ZNF727: variants seen among roughly 807,000 people sequenced by gnomAD.
ZNF727 encodes the protein zinc finger protein 727.
In ZNF727, 11 loss-of-function variants were observed where a neutral mutation model predicts 11.5. The observed-to-expected ratio is 0.95, with a 90% CI of 0.60 to 1.58. The LOEUF (loss-of-function observed/expected upper bound fraction) is 1.58, where lower values mean the gene tolerates loss of function less well. ZNF727 is among the 40% of genes most tolerant of loss of function. ZNF727 has a pLI of 0.00. For missense variants in ZNF727, 533 were observed against 581.7 expected (o/e 0.92, Z 0.86); for synonymous variants, 171 against 196.1 (o/e 0.87, Z 1.07).
At chr7:64,050,417 C>G (rs1423891708) in intron 1 of ZNF727, among the ~76,000 whole-genome samples, 1 of 152,048 alleles carries the variant, frequency 6.6e-6, no homozygotes, top group East Asian at 1.9e-4. Context: ...AAACAGGTAC[C>G]CTGCCAAAGA....
At position 64,077,383 on chromosome 7, in the gene ZNF727, C is replaced by T. The variant is rs749735303; in HGVS notation, c.334C>T (p.Arg112Cys). 124 of 1,551,388 alleles carry T rather than the reference C, an allele frequency of 8.0e-5. No individual in the cohort carries two copies. The highest frequency in any genetic ancestry group is 1.7e-4 in the Middle Eastern group (1 of 6,014). Residue 112 changes from arginine (R) to cysteine (C), a missense_variant, in exon 4 of 4, where the codon CGT becomes TGT. By Grantham distance (180) the Arg-to-Cys change is radical. Coordinates refer to ENST00000456806, the MANE Select transcript of ZNF727 (RefSeq NM_001159522.3). ...KSGSCDLNTL[R>C]LKKDYQRVGN... ...TGGAAGCTGTGACCTTAATACTTTA[C>T]GTTTAAAGAAAGACTACCAACGTGT...
At chr7:64,046,180 C>T (rs1789502620) in intron 1 of ZNF727, among the ~76,000 whole-genome samples, 1 of 152,068 alleles carries the variant, frequency 6.6e-6, no homozygotes. Context: ...GCCACCTCGC[C>T]TGGTTTTGTG....
At chr7:64,059,576 A>G (rs1371349092) in intron 1 of ZNF727, among the ~76,000 whole-genome samples, 1 of 152,186 alleles carries the variant, frequency 6.6e-6, no homozygotes, top group Non-Finnish European at 1.5e-5. Context: ...ATTTCAGATT[A>G]ACAGTTCTTC....
At chr7:64,047,794 G>A (rs184977115) in intron 1 of ZNF727, among the ~76,000 whole-genome samples, 45 of 152,294 alleles carry the variant, frequency 3.0e-4, no homozygotes, top group Non-Finnish European at 3.4e-4. Context: ...AGACACATTG[G>A]TGCTCAACCA....
Position 64,078,027 on chromosome 7 carries a change from C to G in ZNF727, c.978C>G (p.Ala326=). The G allele has an allele frequency of 1.2e-6, 2 of 1,605,562 alleles. No individual in the cohort carries two copies. Among genetic ancestry groups the G allele is most frequent in the Non-Finnish European group, 1.7e-6 (2 of 1,176,102 alleles). ...ECGKAFMWIS[A]LSQHNRIHTG... is the part of the protein sequence containing the mutation. The stretch of plus-strand genomic sequence containing the variant: ...GAAAAGCTTTTATGTGGATCTCGGC[C>G]CTTAGTCAACATAACAGAATTCATA... Residue 326 remains alanine, a synonymous_variant, in exon 4 of 4, where the codon GCC becomes GCG. Coordinates refer to ENST00000456806, the MANE Select transcript of ZNF727 (RefSeq NM_001159522.3).
chr7:64,046,741 A>G (rs1049998018), intron 1 of ZNF727, among the ~76,000 whole-genome samples: 3 of 152,342 alleles, frequency 2.0e-5, no homozygotes, highest in South Asian at 2.1e-4. Context: ...ATTAATACAA[A>G]CAGTTTATTT....
At chr7:64,059,008 G>A (rs1190924220) in intron 1 of ZNF727, among the ~76,000 whole-genome samples, 10 of 149,722 alleles carry the variant, frequency 6.7e-5, no homozygotes, top group Admixed American at 3.4e-4. Flanking sequence ...GTAGTGGCAC[G>A]ATCTACGCTC....
chr7:64,071,030 ACTTTAGATTG>A (rs1346142410), intron 3 of ZNF727, among the ~76,000 whole-genome samples: 1 of 151,948 alleles, frequency 6.6e-6, no homozygotes, highest in Non-Finnish European at 1.5e-5. Flanking sequence ...TTCCACAAAC[ACTTTAGATTG>A]CTTTTGTATC....
rs539916533 is a variant in ZNF727, at chr7:64,054,147, G to A, written c.3+8523G>A. On this transcript the variant is annotated intron_variant, in intron 1 of 3. Coordinates refer to ENST00000456806, the MANE Select transcript of ZNF727 (RefSeq NM_001159522.3). The stretch of plus-strand genomic sequence containing the variant: ...TTTTGGGCTGGCTTCTGCTTGCAAC[G>A]AAAGCCATGCCCTGGATGTGAGGGT... Among the ~76,000 whole-genome samples, 7 of 152,262 alleles carry A rather than the reference G, an allele frequency of 4.6e-5. No homozygotes were observed. The South Asian group carries it at 1.2e-3, about 27-fold the overall frequency.
chr7:64,046,992 T>C (rs1042332085), intron 1 of ZNF727, among the ~76,000 whole-genome samples: 3 of 151,808 alleles, frequency 2.0e-5, no homozygotes, highest in African/African-American at 7.3e-5. Context: ...TTTTTTTTTT[T>C]CTCAAAGTTA....
rs1000983967 is a variant in ZNF727 at position 64,068,759 on chromosome 7, C to G, written c.4-132C>G. ...AAATACATTAGAGAATATTTCTGTG[C>G]TAGAAAGTATCCTATTGGATAACTC... On this transcript the variant is annotated intron_variant, in intron 1 of 3. Coordinates refer to ENST00000456806, the MANE Select transcript of ZNF727 (RefSeq NM_001159522.3). 6 of 1,090,352 alleles carry G rather than the reference C, an allele frequency of 5.5e-6. No homozygotes were observed. In the African/African-American group the frequency reaches 9.7e-5, roughly 18 times the overall value. The allele number at this position is 1,090,352 out of a possible 1,614,324, so 67.5% of individuals were successfully genotyped here.
chr7:64,059,239 G>A (rs1485884543), intron 1 of ZNF727, among the ~76,000 whole-genome samples: 1 of 151,962 alleles, frequency 6.6e-6, no homozygotes, highest in Non-Finnish European at 1.5e-5. Flanking sequence ...CGCCGCACCT[G>A]GCTGGCTATT....
intron 2 of ZNF727, among the ~76,000 whole-genome samples, 176 bp downstream of exon 2, chr7:64,069,193 A>G (rs573762675): frequency 6.6e-6 from 1 of 152,072 alleles, no homozygotes; most frequent in African/African-American, 2.4e-5. Context: ...CTTAACATTA[A>G]TCTTTCCCTT....
In ZNF727 at chr7:64,082,364, G is replaced by A. The variant is rs921538343; in HGVS notation, c.*3815G>A. Among the ~76,000 whole-genome samples, 61 of 152,162 alleles carry A rather than the reference G, an allele frequency of 4.0e-4. No individual in the cohort carries two copies. Among genetic ancestry groups the A allele is most frequent in the African/African-American group, 1.4e-3 (58 of 41,458 alleles). On this transcript the variant is annotated 3_prime_UTR_variant, in exon 4 of 4. Coordinates refer to ENST00000456806, the MANE Select transcript of ZNF727 (RefSeq NM_001159522.3). ...TGCTGCAGTATGCTGGGTGTCCACTGCAGTTTCTAGTCACCTCAGATTTTC... is the reference window on the plus strand; with the variant it reads ...TGCTGCAGTATGCTGGGTGTCCACTACAGTTTCTAGTCACCTCAGATTTTC...
intron 1 of ZNF727, among the ~76,000 whole-genome samples, chr7:64,056,897 C>G (rs1194887064): frequency 6.6e-6 from 1 of 151,960 alleles, no homozygotes; most frequent in Non-Finnish European, 1.5e-5. Flanking sequence ...TGGTGCAAAC[C>G]ACAGTTTTGC....
rs374787776 is a variant in ZNF727 at position 64,063,286 on chromosome 7, C to T, written c.4-5605C>T. On this transcript the variant is annotated intron_variant, in intron 1 of 3. Transcript: ENST00000456806. ...GGCTTTCCAAGTATTCAAAGGGAATCGAGTGTTGTAATCTAAGTCTTTGAT... is the reference window on the plus strand; with the variant it reads ...GGCTTTCCAAGTATTCAAAGGGAATTGAGTGTTGTAATCTAAGTCTTTGAT... 6.5e-3 allele frequency among the ~76,000 whole-genome samples: 983 copies of T among 151,404 alleles called. 2 individuals carry two copies. The highest frequency in any genetic ancestry group is 0.014 in the Middle Eastern group (4 of 286).
At chr7:64,048,206 G>T (rs1278547211) in intron 1 of ZNF727, among the ~76,000 whole-genome samples, 1 of 152,124 alleles carries the variant, frequency 6.6e-6, no homozygotes, top group East Asian at 1.9e-4. Flanking sequence ...AACCACAAAT[G>T]TTTTCTAAGA....
At chr7:64,071,392 G>A (rs1789960197) in intron 3 of ZNF727, among the ~76,000 whole-genome samples, 1 of 151,844 alleles carries the variant, frequency 6.6e-6, no homozygotes, top group Non-Finnish European at 1.5e-5. Flanking sequence ...CATACCTGTT[G>A]CCCAACTATA....
rs1785847839 is a variant in ZNF727, at chr7:64,084,748, A to C, written c.*6199A>C. On this transcript the variant is annotated 3_prime_UTR_variant, in exon 4 of 4. Transcript: ENST00000456806. ...GTACAGACCTTTAGTTTTGATTTAC[A>C]TCAATTTAAATATACAAATGTATCA... 6.6e-6 allele frequency among the ~76,000 whole-genome samples: 1 copy of C among 152,182 alleles called. No individual in the cohort carries two copies. Among genetic ancestry groups the C allele is most frequent in the African/African-American group, 2.4e-5 (1 of 41,458 alleles).
Sources: gnomAD v4.1 joint callset for allele counts (sites outside exome capture counted in the v4.1 genomes callset) on GRCh38, gnomAD v4.1.1 for gene constraint, MANE v1.5 for transcripts, NCBI Gene and HGNC (gene_info 2026-07-23, HGNC 2026-07-21) for gene names.